The following MAP1B variants were observed in gnomAD, a reference collection of about 807,000 sequenced individuals.
MAP1B encodes microtubule associated protein 1B.
MAP1B carries 12 observed loss-of-function variants against 176.1 expected under a neutral mutation model. The observed-to-expected ratio is 0.07, with a 90% CI of 0.04 to 0.11. The LOEUF (loss-of-function observed/expected upper bound fraction) is 0.11. Ranked by LOEUF, MAP1B falls within the 10% of genes least tolerant of loss-of-function variation. The pLI is 1.00. For synonymous variants in MAP1B, 1,044 were observed against 1,135.0 expected (o/e 0.92, Z 1.61); for missense variants, 2,523 against 2,990.5 (o/e 0.84, Z 3.65).
chr5:72,174,279 T>A (rs1433138546), intron 2 of MAP1B, among the ~76,000 whole-genome samples: 1 of 152,192 alleles, frequency 6.6e-6, no homozygotes, highest in Non-Finnish European at 1.5e-5. Flanking sequence ...ATGATAAACA[T>A]TGACCTTTGT....
intron 2 of MAP1B, among the ~76,000 whole-genome samples, chr5:72,158,891 T>C (rs1340071085): frequency 1.3e-5 from 2 of 152,160 alleles, no homozygotes; most frequent in East Asian, 1.9e-4. Context: ...TGCAGAAAGT[T>C]AGAGATTTGG....
intron 2 of MAP1B, among the ~76,000 whole-genome samples, chr5:72,167,898 G>C (rs536967596): frequency 6.6e-6 from 1 of 152,188 alleles, no homozygotes; most frequent in Non-Finnish European, 1.5e-5. Context: ...TTTTCAGAAC[G>C]ATGTAGATAA....
rs553323228 is a variant in MAP1B, at chr5:72,201,231, G to T, written c.7012+864G>T. Among the ~76,000 whole-genome samples, 10 of 80,478 alleles carry T rather than the reference G, an allele frequency of 1.2e-4. No individual in the cohort carries two copies. The East Asian group carries it at 3.5e-3, about 28-fold the overall frequency. The allele number at this position is 80,478 out of a possible 152,430, so 52.8% of individuals were successfully genotyped here. ...AAAAAAATGTTTTTTAATTAGCTGG[G>T]TGTGGTGGCACGTGCTTATAGTCTT... On this transcript the variant is annotated intron_variant, in intron 5 of 6. Transcript: ENST00000296755.
Position 72,194,992 on chromosome 5 carries a change from A to G in MAP1B, c.1637A>G (p.Lys546Arg). ...AGGGCTGATAGCCGAGAAAGTCTGA[A>G]GCCAGCCGCAAAACCACTTCCTAGC... is the stretch of plus-strand genomic sequence containing the variant. ...KQRADSRESL[K>R]PAAKPLPSKS... Residue 546 changes from lysine to arginine, a missense_variant, in exon 5 of 7, where the codon AAG becomes AGG. Physicochemically the swap from Lys to Arg is conservative, Grantham distance 26. Around this residue, in one of 4 missense-constraint regions of MAP1B, gnomAD observed 1,925 missense variants for 2,126.0 expected, o/e 0.91. Transcript: ENST00000296755. The surrounding 1 kb of genome is among the most constrained non-coding windows in gnomAD (Gnocchi z 7.2). 2 of 1,614,020 alleles carry G rather than the reference A, an allele frequency of 1.2e-6. No individual in the cohort carries two copies. The highest frequency in any genetic ancestry group is 2.2e-5 in the East Asian group (1 of 44,888).
At chr5:72,163,217 G>C (rs1746358731) in intron 2 of MAP1B, among the ~76,000 whole-genome samples, 1 of 102,252 alleles carries the variant, frequency 9.8e-6, no homozygotes, top group African/African-American at 3.8e-5. Context: ...GACAGAATGA[G>C]ACTCCATCTC....
intron 2 of MAP1B, among the ~76,000 whole-genome samples, chr5:72,124,240 G>A (rs1485348307): frequency 1.3e-5 from 2 of 152,154 alleles, no homozygotes; most frequent in African/African-American, 4.8e-5. Flanking sequence ...TCTATTGCAT[G>A]TGAAGTCAGA....
Position 72,197,201 on chromosome 5 carries a change from G to C in MAP1B, c.3846G>C (p.Thr1282=), listed in dbSNP as rs763979452. 4 of 1,614,048 alleles carry C rather than the reference G, an allele frequency of 2.5e-6. No homozygotes were observed. Among genetic ancestry groups the C allele is most frequent in the Non-Finnish European group, 2.5e-6 (3 of 1,180,050 alleles). ...AACGTAGTGTGAACTTCTCTCTGAC[G>C]CCCAATGAGATTAAAGTCTCTGCAG... ...LGERSVNFSL[T]PNEIKVSAEA... is the part of the protein sequence containing the mutation. The change falls in exon 5 of 7, where the codon ACG becomes ACC. Residue 1282 remains threonine (T), a synonymous_variant. Coordinates refer to ENST00000296755, the MANE Select transcript of MAP1B (RefSeq NM_005909.5).
rs1747445161 is a variant in MAP1B, at chr5:72,206,299, T to C, written c.*1060T>C. ...ACTTAAAGGAACACGTGGGTGAGCG[T>C]GTGTGGGGGTACTAGAAGCTGATCT... On this transcript the variant is annotated 3_prime_UTR_variant, in exon 7 of 7. Transcript: ENST00000296755. 6.5e-6 allele frequency: 1 copy of C among 152,672 alleles called. No homozygotes were observed. The highest frequency in any genetic ancestry group is 1.5e-5 in the Non-Finnish European group (1 of 68,038). 9.5% of individuals were successfully genotyped at this position (152,672 alleles called of 1,614,324 possible).
At position 72,194,708 on chromosome 5, in the gene MAP1B, C is replaced by T. The variant is rs769414812; in HGVS notation, c.1353C>T (p.Phe451=). The change falls in exon 5 of 7, where the codon TTC becomes TTT. Residue 451 remains phenylalanine (F), a synonymous_variant. Coordinates refer to ENST00000296755, the MANE Select transcript of MAP1B (RefSeq NM_005909.5). This position sits in a 1 kb window ranked among gnomAD's most constrained non-coding sequence, Gnocchi z 7.2. ...GTACCAACAAAGACAAGGCTGAATTCATTCTGCCTAATGGTCAAGAAGTAG... is the reference window on the plus strand; with the variant it reads ...GTACCAACAAAGACAAGGCTGAATTTATTCTGCCTAATGGTCAAGAAGTAG... ...WTGTNKDKAE[F]ILPNGQEVDL... is the part of the protein sequence containing the mutation. 2 of 1,614,180 alleles carry T rather than the reference C, an allele frequency of 1.2e-6. No homozygotes were observed. The highest frequency in any genetic ancestry group is 2.2e-5 in the East Asian group (1 of 44,884).
chr5:72,133,696 T>A (rs189832502), intron 2 of MAP1B, among the ~76,000 whole-genome samples: 312 of 152,324 alleles, frequency 2.0e-3, no homozygotes, highest in African/African-American at 7.2e-3. Flanking sequence ...TTTTACAAAA[T>A]ACAAAGACAG....
Position 72,107,499 on chromosome 5 carries a change from G to A in MAP1B, c.-33G>A. ...CGCAGTGGAGAGGAGCGGCCGGAGC[G>A]AGACACTTCGCCGAGGCACAGCAGC... On this transcript the variant is annotated 5_prime_UTR_variant, in exon 1 of 7. Transcript: ENST00000296755. 1.3e-6 allele frequency: 2 copies of A among 1,527,810 alleles called. No individual in the cohort carries two copies. The highest frequency in any genetic ancestry group is 2.4e-5 in the East Asian group (1 of 41,114). The allele number at this position is 1,527,810 out of a possible 1,614,324, so 94.6% of individuals were successfully genotyped here.
intron 2 of MAP1B, among the ~76,000 whole-genome samples, chr5:72,154,409 A>G (rs1746193707): frequency 6.6e-6 from 1 of 152,210 alleles, no homozygotes; most frequent in Admixed American, 6.5e-5. Flanking sequence ...TCTATTTGTG[A>G]ACAGACACAG....
At chr5:72,172,818 T>C (rs968441125) in intron 2 of MAP1B, among the ~76,000 whole-genome samples, 1 of 152,222 alleles carries the variant, frequency 6.6e-6, no homozygotes, top group Non-Finnish European at 1.5e-5. Context: ...GTATTCATCA[T>C]CTGTGTTTCT....
intron 2 of MAP1B, among the ~76,000 whole-genome samples, chr5:72,137,984 C>G (rs780632999): frequency 1.3e-5 from 2 of 152,120 alleles, no homozygotes; most frequent in Non-Finnish European, 2.9e-5. Context: ...TGTTTCTTTA[C>G]CAGCAGGTGG....
intron 2 of MAP1B, among the ~76,000 whole-genome samples, chr5:72,159,410 G>A (rs984486826): frequency 2.8e-5 from 4 of 142,528 alleles, no homozygotes; most frequent in South Asian, 2.6e-4. Context: ...AAAATGTCTG[G>A]TGTCTGGAAG....
chr5:72,139,747 T>C (rs56142022), intron 2 of MAP1B, among the ~76,000 whole-genome samples: 57,251 of 152,002 alleles, frequency 0.38, 11,192 homozygotes, highest in East Asian at 0.44. Flanking sequence ...AGTTTAACAA[T>C]GTATTTTTTT....
chr5:72,113,091 G>A (rs901676919), intron 1 of MAP1B, among the ~76,000 whole-genome samples: 1 of 152,172 alleles, frequency 6.6e-6, no homozygotes, highest in African/African-American at 2.4e-5. Context: ...CCTACTAAAT[G>A]CAATATGAAC....
intron 2 of MAP1B, among the ~76,000 whole-genome samples, chr5:72,137,543 A>G (rs1435054042): frequency 6.6e-6 from 1 of 152,216 alleles, no homozygotes; most frequent in Non-Finnish European, 1.5e-5. Flanking sequence ...AATGATCTGT[A>G]TAGGTCTGAA....
rs1208168250 is a variant in MAP1B at position 72,203,550 on chromosome 5, T to C, written c.7013-13T>C. 1.2e-6 allele frequency: 2 copies of C among 1,601,120 alleles called. No individual in the cohort carries two copies. Among genetic ancestry groups the C allele is most frequent in the African/African-American group, 2.7e-5 (2 of 74,372 alleles). On this transcript the variant is annotated splice_polypyrimidine_tract_variant and intron_variant, in intron 5 of 6. Coordinates refer to ENST00000296755, the MANE Select transcript of MAP1B (RefSeq NM_005909.5). ...TGCTATGACCTTGCTTTGTCTTTGTTTATTTACCCAAGGACCAGGAACTAC... is the reference window on the plus strand; with the variant it reads ...TGCTATGACCTTGCTTTGTCTTTGTCTATTTACCCAAGGACCAGGAACTAC...
Sources: allele counts gnomAD v4.1 joint callset (sites outside exome capture counted in the v4.1 genomes callset), GRCh38; gene constraint gnomAD v4.1.1; regional missense constraint gnomAD v4.1.1; non-coding constraint Gnocchi (gnomAD v3.1); transcripts MANE v1.5; gene names NCBI Gene and HGNC (gene_info 2026-07-23, HGNC 2026-07-21).